EIF2B3: variants seen among roughly 807,000 people sequenced by gnomAD.
EIF2B3 encodes the protein eukaryotic translation initiation factor 2B subunit gamma.
A neutral mutation model predicts 54.1 loss-of-function variants in EIF2B3; 20 were observed. The observed-to-expected ratio is 0.37, with a 90% confidence interval of 0.26 to 0.54. The LOEUF (loss-of-function observed/expected upper bound fraction) is 0.54. Ranked by LOEUF, EIF2B3 falls within the 20% of genes least tolerant of loss-of-function variation. The pLI, the probability that EIF2B3 is intolerant of heterozygous loss-of-function variation, is 0.86. For missense variants in EIF2B3, 448 were observed against 547.8 expected, an observed-to-expected ratio of 0.82 and a Z score of 1.82; for synonymous variants, 153 against 188.1, an observed-to-expected ratio of 0.81 and a Z score of 1.52.
intron 10 of EIF2B3, among the ~76,000 whole-genome samples, chr1:44,871,575 TTCATA>T (rs1236933854): frequency 6.6e-6 from 1 of 152,252 alleles, no homozygotes; most frequent in East Asian, 1.9e-4. Flanking sequence ...TTGTCATTCT[TTCATA>T]TAACAAATAT....
At chr1:44,889,164 C>T (rs910381420) in intron 6 of EIF2B3, among the ~76,000 whole-genome samples, 2 of 152,156 alleles carry the variant, frequency 1.3e-5, no homozygotes, top group African/African-American at 4.8e-5. Flanking sequence ...GGGAAGTTAC[C>T]TTTGGTTAAG....
intron 3 of EIF2B3, among the ~76,000 whole-genome samples, chr1:44,976,640 AAAC>A (rs1273514288): frequency 6.6e-6 from 1 of 152,204 alleles, no homozygotes; most frequent in African/African-American, 2.4e-5. Context: ...CAAAAATTAG[AAAC>A]AACCCAAATA....
chr1:44,866,937 A>G (rs1422907338), intron 10 of EIF2B3, among the ~76,000 whole-genome samples: 1 of 152,248 alleles, frequency 6.6e-6, no homozygotes, highest in Non-Finnish European at 1.5e-5. Context: ...TTTACAGGAA[A>G]GAGCTCCAAA....
chr1:44,881,460 C>G lies in EIF2B3; in HGVS notation c.784+152G>C. 9.7e-7 allele frequency: 1 copy of G among 1,030,304 alleles called. No homozygotes were observed. The allele number at this position is 1,030,304 out of a possible 1,614,324, so 63.8% of individuals were successfully genotyped here. A position where few individuals can be genotyped will look rare whatever the true frequency, so the allele number is the denominator to read the frequency against. ...TCTGCCTGAGCAAGCTTACCCAGAGCTCAGTGGGTTGGCAAGCCTGTCTTG... is the reference window on the plus strand; with the variant it reads ...TCTGCCTGAGCAAGCTTACCCAGAGGTCAGTGGGTTGGCAAGCCTGTCTTG... On this transcript the variant is annotated intron_variant, in intron 7 of 11. Coordinates refer to ENST00000360403, the MANE Select transcript of EIF2B3 (RefSeq NM_020365.5). This position sits in a 1 kb window ranked among gnomAD's most constrained non-coding sequence, Gnocchi z 4.0.
chr1:44,917,494 CA>C (rs1351668302), intron 5 of EIF2B3, among the ~76,000 whole-genome samples: 1,272 of 76,700 alleles, frequency 0.017, 6 homozygotes, highest in Non-Finnish European at 0.021. Flanking sequence ...AACTCCATCT[CA>C]AAAAAAAAAA....
At chr1:44,972,238 C>T (rs1644406125) in intron 3 of EIF2B3, among the ~76,000 whole-genome samples, 1 of 118,310 alleles carries the variant, frequency 8.5e-6, no homozygotes. Flanking sequence ...AAAATACACA[C>T]ACACACACAC....
Position 44,881,546 on chromosome 1 carries a change from CCCAA to C in EIF2B3, c.784+62_784+65del. ...AGGCATCTTGGGCTGGGCTAAGCTG[CCCAA>C]CCACTCTTTCCAAAGGTGCTGCTAC... On this transcript the variant is annotated intron_variant, in intron 7 of 11. Transcript: ENST00000360403. This position sits in a 1 kb window ranked among gnomAD's most constrained non-coding sequence, Gnocchi z 4.0. The C allele has an allele frequency of 5.6e-6, 9 of 1,602,940 alleles. No individual in the cohort carries two copies. The highest frequency in any genetic ancestry group is 7.7e-6 in the Non-Finnish European group (9 of 1,173,102).
chr1:44,935,174 G>A (rs2148937359), intron 4 of EIF2B3, among the ~76,000 whole-genome samples: 1 of 152,322 alleles, frequency 6.6e-6, no homozygotes, highest in Non-Finnish European at 1.5e-5. Flanking sequence ...AGTATTCCAA[G>A]AGATACAGTG....
At chr1:44,869,207 G>A (rs1474260175) in intron 10 of EIF2B3, among the ~76,000 whole-genome samples, 1 of 152,126 alleles carries the variant, frequency 6.6e-6, no homozygotes, top group African/African-American at 2.4e-5. Context: ...GCCGGGCATG[G>A]TGGCTCATGC....
At chr1:44,894,482 G>C (rs1232570409) in intron 6 of EIF2B3, among the ~76,000 whole-genome samples, 1 of 151,944 alleles carries the variant, frequency 6.6e-6, no homozygotes, top group Admixed American at 6.6e-5. Flanking sequence ...CATTCACCAA[G>C]TATATAATGA....
chr1:44,890,726 G>A (rs1655768094), intron 6 of EIF2B3, among the ~76,000 whole-genome samples: 1 of 152,062 alleles, frequency 6.6e-6, no homozygotes, highest in South Asian at 2.1e-4. Flanking sequence ...CCAAGACCAC[G>A]ACTCTGTCTA....
chr1:44,927,554 C>T (rs1643865589), intron 4 of EIF2B3, among the ~76,000 whole-genome samples: 1 of 152,116 alleles, frequency 6.6e-6, no homozygotes, highest in Non-Finnish European at 1.5e-5. Flanking sequence ...GGGGAACATC[C>T]AAACTATACC....
At chr1:44,952,325 C>G (rs1644174151) in intron 3 of EIF2B3, among the ~76,000 whole-genome samples, 1 of 151,730 alleles carries the variant, frequency 6.6e-6, no homozygotes, top group Non-Finnish European at 1.5e-5. Context: ...GTCTTGAACT[C>G]CTGATCTCAG....
chr1:44,980,470 C>CT (rs2148965518), intron 2 of EIF2B3, among the ~76,000 whole-genome samples: 1 of 151,408 alleles, frequency 6.6e-6, no homozygotes, highest in East Asian at 1.9e-4. Context: ...GCGTGAGACT[C>CT]TGTCTCAAAA....
At chr1:44,861,855 T>C (rs1030363305) in intron 10 of EIF2B3, among the ~76,000 whole-genome samples, 24 of 152,318 alleles carry the variant, frequency 1.6e-4, no homozygotes, top group African/African-American at 5.5e-4. Context: ...AGCTCTTTTC[T>C]GACCATTTGT....
intron 3 of EIF2B3, among the ~76,000 whole-genome samples, chr1:44,972,013 C>T (rs539763313): frequency 7.8e-4 from 118 of 152,012 alleles, no homozygotes; most frequent in Non-Finnish European, 1.3e-3. Context: ...GCCTGGGCAA[C>T]AGAGCAAGAC....
chr1:44,942,009 T>C (rs2148942088), intron 3 of EIF2B3, among the ~76,000 whole-genome samples: 1 of 152,178 alleles, frequency 6.6e-6, no homozygotes, highest in East Asian at 1.9e-4. Flanking sequence ...TCTTTATAGT[T>C]TAAAAGAGCA....
At chr1:44,890,782 C>T (rs1276470817) in intron 6 of EIF2B3, among the ~76,000 whole-genome samples, 1 of 152,086 alleles carries the variant, frequency 6.6e-6, no homozygotes, top group Non-Finnish European at 1.5e-5. Context: ...CTAGATTTGT[C>T]TGCCTTCTTC....
intron 6 of EIF2B3, among the ~76,000 whole-genome samples, chr1:44,893,938 T>C (rs1655884344): frequency 6.6e-6 from 1 of 152,178 alleles, no homozygotes; most frequent in Admixed American, 6.5e-5. Flanking sequence ...ATATTGCCCA[T>C]GGCTTTAGCT....
Sources: allele counts gnomAD v4.1 joint callset (sites outside exome capture counted in the v4.1 genomes callset), GRCh38; gene constraint gnomAD v4.1.1; non-coding constraint Gnocchi (gnomAD v3.1); transcripts MANE v1.5; gene names NCBI Gene and HGNC (gene_info 2026-07-23, HGNC 2026-07-21).